PCSK5: variants seen among roughly 807,000 people sequenced by gnomAD.
The protein encoded by PCSK5 is prohormone convertase 5.
In PCSK5, 129 loss-of-function variants were observed where a neutral mutation model predicts 233.2. The ratio of observed to expected loss-of-function variants is 0.55; its 90% confidence interval spans 0.48 to 0.64. The LOEUF is 0.64. PCSK5 is among the 30% of genes least tolerant of loss of function. PCSK5 has a pLI of 0.00. For missense variants in PCSK5, 2,076 were observed against 2,430.1 expected, an observed-to-expected ratio of 0.85 and a Z score of 3.06; for synonymous variants, 825 against 879.2, an observed-to-expected ratio of 0.94 and a Z score of 1.09.
At chr9:76,292,600 G>A (rs1376307496) in intron 25 of PCSK5, among the ~76,000 whole-genome samples, 1 of 152,154 alleles carries the variant, frequency 6.6e-6, no homozygotes, top group Non-Finnish European at 1.5e-5. Context: ...TAAGCTGTTT[G>A]CAAACGTCTG....
At chr9:76,350,429 A>G (rs1230682857) in intron 35 of PCSK5, among the ~76,000 whole-genome samples, 1 of 152,228 alleles carries the variant, frequency 6.6e-6, no homozygotes, top group African/African-American at 2.4e-5. Flanking sequence ...GCCGTTTCTC[A>G]GTTAGAAACT....
At chr9:76,114,018 C>G (rs1832328351) in intron 9 of PCSK5, among the ~76,000 whole-genome samples, 1 of 152,036 alleles carries the variant, frequency 6.6e-6, no homozygotes, top group Non-Finnish European at 1.5e-5. Flanking sequence ...CACACAGTTA[C>G]AAGGGTAAAG....
intron 20 of PCSK5, among the ~76,000 whole-genome samples, chr9:76,209,825 A>G (rs2131283434): frequency 6.6e-6 from 1 of 151,670 alleles, no homozygotes; most frequent in East Asian, 1.9e-4. Context: ...TAAATTATAA[A>G]TTAAAATATG....
chr9:75,943,593 C>G (rs1824419202), intron 2 of PCSK5, among the ~76,000 whole-genome samples: 1 of 152,058 alleles, frequency 6.6e-6, no homozygotes, highest in Non-Finnish European at 1.5e-5. Flanking sequence ...TCTTACAATA[C>G]AAAAGGAGGC....
intron 2 of PCSK5, among the ~76,000 whole-genome samples, chr9:75,946,889 A>G (rs1386713785): frequency 2.0e-5 from 3 of 152,112 alleles, no homozygotes; most frequent in South Asian, 2.1e-4. Flanking sequence ...CGCCCAGCCA[A>G]TATTTAAAAT....
rs141772848 is a variant in PCSK5, at chr9:75,947,190, CAG to C, written c.297+14710_297+14711del. ...CCAAATAGCAAAACATTGTACTTAA[CAG>C]AGGTTCTTCTAAGGAGTTAAAAACT... On this transcript the variant is annotated intron_variant, in intron 2 of 37. Coordinates refer to ENST00000674117, the MANE Select transcript of PCSK5 (RefSeq NM_001372043.1). 1.8e-3 allele frequency among the ~76,000 whole-genome samples: 280 copies of C among 152,258 alleles called. 2 individuals are homozygous for C. The highest frequency in any genetic ancestry group is 6.5e-3 in the African/African-American group (270 of 41,546).
At chr9:76,108,480 C>T (rs975182085) in intron 9 of PCSK5, among the ~76,000 whole-genome samples, 4 of 152,134 alleles carry the variant, frequency 2.6e-5, no homozygotes, top group African/African-American at 4.8e-5. Flanking sequence ...TGTGGCCGGG[C>T]GCGGTGGCTT....
Position 76,354,217 on chromosome 9 carries a change from C to T in PCSK5, c.5252C>T (p.Thr1751Met), listed in dbSNP as rs201015693. The change falls in exon 37 of 38, where the codon ACG becomes ATG. Residue 1751 changes from threonine (T) to methionine (M), a missense_variant and splice_region_variant. Coordinates refer to ENST00000674117, the MANE Select transcript of PCSK5 (RefSeq NM_001372043.1). ...GAGTGCTGTGACTGCCAGGACACCA[C>T]GGGTGAGGGAAGAGCAAGAGCAGCC... ...AQECCDCQDT[T>M]DECILRTSKV... is the part of the protein sequence containing the mutation. 50 of 1,573,080 alleles carry T rather than the reference C, an allele frequency of 3.2e-5. No individual in the cohort carries two copies. In the Admixed American group the frequency reaches 5.0e-4, roughly 16 times the overall value.
At chr9:76,225,648 AATAAAT>A (rs2131307087) in intron 20 of PCSK5, among the ~76,000 whole-genome samples, 1 of 152,308 alleles carries the variant, frequency 6.6e-6, no homozygotes, top group South Asian at 2.1e-4. Context: ...AAGGAGCCTG[AATAAAT>A]ATAAAGAAGG....
chr9:76,325,554 G>C (rs1032424344), intron 32 of PCSK5, among the ~76,000 whole-genome samples: 1 of 152,206 alleles, frequency 6.6e-6, no homozygotes. Context: ...GATGCTTTGA[G>C]AAGTTAAGCA....
At chr9:76,267,576 T>C (rs1340566029) in intron 24 of PCSK5, among the ~76,000 whole-genome samples, 1 of 152,194 alleles carries the variant, frequency 6.6e-6, no homozygotes, top group Non-Finnish European at 1.5e-5. Flanking sequence ...AATCTTTTCT[T>C]CGTTATCACA....
chr9:75,930,142 C>T (rs534893770), intron 1 of PCSK5, among the ~76,000 whole-genome samples: 43 of 152,264 alleles, frequency 2.8e-4, no homozygotes, highest in African/African-American at 9.4e-4. Context: ...GGGTTATAGG[C>T]ATGAGCCACT....
chr9:76,214,221 G>C (rs113126351), intron 20 of PCSK5, among the ~76,000 whole-genome samples: 1,847 of 152,136 alleles, frequency 0.012, 22 homozygotes, highest in Non-Finnish European at 0.019. Context: ...GAAAATGGTA[G>C]GCAAGCAAAT....
Position 76,072,236 on chromosome 9 carries a change from G to A in PCSK5, c.894+338G>A, listed in dbSNP as rs114199624. On this transcript the variant is annotated intron_variant, in intron 7 of 37. Coordinates refer to ENST00000674117, the MANE Select transcript of PCSK5 (RefSeq NM_001372043.1). ...GAGTGAAGATATTTAACACTCTCCAGGTAGCGTGAATACATTGCATAGTGA... is the reference window on the plus strand; with the variant it reads ...GAGTGAAGATATTTAACACTCTCCAAGTAGCGTGAATACATTGCATAGTGA... 7.0e-3 allele frequency among the ~76,000 whole-genome samples: 1,065 copies of A among 152,302 alleles called. 12 individuals are homozygous for A. The highest frequency in any genetic ancestry group is 0.024 in the African/African-American group (1,009 of 41,550).
intron 2 of PCSK5, among the ~76,000 whole-genome samples, chr9:75,954,700 A>AC (rs1310399867): frequency 5.3e-5 from 8 of 152,194 alleles, no homozygotes; most frequent in Non-Finnish European, 1.2e-4. Flanking sequence ...GGAGATACAC[A>AC]CATACCCCGT....
At chr9:75,934,326 T>C (rs1020065839) in intron 2 of PCSK5, among the ~76,000 whole-genome samples, 2 of 152,210 alleles carry the variant, frequency 1.3e-5, no homozygotes, top group Admixed American at 1.3e-4. Flanking sequence ...CCTACCAGCT[T>C]TGCAGAGAGA....
chr9:76,233,617 C>T (rs573180052), intron 22 of PCSK5, 21 bp downstream of exon 22: 65 of 1,603,876 alleles, frequency 4.1e-5, no homozygotes, highest in Middle Eastern at 3.3e-4. Context: ...GCTGCTCCTC[C>T]GTCTTCTGCA....
intron 20 of PCSK5, among the ~76,000 whole-genome samples, chr9:76,223,593 G>A (rs1219715613): frequency 2.0e-5 from 3 of 152,112 alleles, no homozygotes; most frequent in Non-Finnish European, 4.4e-5. Flanking sequence ...CAGTGTCTTT[G>A]AACCATTATA....
chr9:76,205,837 A>C (rs1323741641), intron 20 of PCSK5, among the ~76,000 whole-genome samples: 1 of 151,576 alleles, frequency 6.6e-6, no homozygotes, highest in Non-Finnish European at 1.5e-5. Context: ...TCCCTCCTTC[A>C]CCTCCCTCCT....
Sources: allele counts gnomAD v4.1 joint callset (sites outside exome capture counted in the v4.1 genomes callset), GRCh38; gene constraint gnomAD v4.1.1; transcripts MANE v1.5; gene names NCBI Gene and HGNC (gene_info 2026-07-23, HGNC 2026-07-21).